Variants in CTNNA2 observed in about 807,000 individuals in gnomAD.
The protein encoded by CTNNA2 is catenin alpha-2.
A neutral mutation model predicts 101.0 loss-of-function variants in CTNNA2; 42 were observed. The observed-to-expected ratio is 0.42, with a 90% confidence interval of 0.32 to 0.54. The LOEUF (loss-of-function observed/expected upper bound fraction) is 0.54, where lower values mean the gene tolerates loss of function less well. CTNNA2 is among the 20% of genes least tolerant of loss of function. CTNNA2 has a pLI of 0.14. For synonymous variants in CTNNA2, 450 were observed against 456.4 expected (o/e 0.99, Z 0.18); for missense variants, 871 against 1,223.1 (o/e 0.71, Z 4.29).
chr2:79,644,568 G>A (rs1680673864), intron 1 of CTNNA2, among the ~76,000 whole-genome samples: 1 of 152,094 alleles, frequency 6.6e-6, no homozygotes, highest in African/African-American at 2.4e-5. Flanking sequence ...TCTTGACTTT[G>A]CCAGGCCCCT....
At position 80,525,050 on chromosome 2, in the gene CTNNA2, CT is replaced by C. The variant is rs59620468; in HGVS notation, c.1291-19922del. 9.1e-3 allele frequency among the ~76,000 whole-genome samples: 1,356 copies of C among 148,402 alleles called. 17 individuals are homozygous for C. Among genetic ancestry groups the C allele is most frequent in the African/African-American group, 0.031 (1,272 of 40,624 alleles). On this transcript the variant is annotated intron_variant, in intron 9 of 18. Transcript: ENST00000402739. ...TGCACCCATCACTGAGCAGTATACA[CT>C]TTTTTTTTTGTATGACTTCCAGAAG...
chr2:79,339,105 A>C (rs2104426419), intron 3 of CTNNA2, among the ~76,000 whole-genome samples: 1 of 150,742 alleles, frequency 6.6e-6, no homozygotes, highest in East Asian at 2.0e-4. Flanking sequence ...AGCCACAGGT[A>C]TTAGTGAGTT....
intron 7 of CTNNA2, among the ~76,000 whole-genome samples, chr2:80,354,145 C>T (rs1673562956): frequency 6.6e-6 from 1 of 152,140 alleles, no homozygotes; most frequent in South Asian, 2.1e-4. Flanking sequence ...CCTTGCACTT[C>T]TTCGGTTGTG....
chr2:79,977,222 G>GCACGCACA (rs1553419410), intron 7 of CTNNA2, among the ~76,000 whole-genome samples: 2 of 144,836 alleles, frequency 1.4e-5, no homozygotes, highest in South Asian at 4.5e-4. Context: ...GCATATGCAT[G>GCACGCACA]CACACACACA....
chr2:80,631,068 T>C (rs1210219735), intron 18 of CTNNA2, among the ~76,000 whole-genome samples: 1 of 152,240 alleles, frequency 6.6e-6, no homozygotes, highest in Non-Finnish European at 1.5e-5. Flanking sequence ...AAAGGAATAA[T>C]GATGCAACCT....
intron 18 of CTNNA2, among the ~76,000 whole-genome samples, chr2:80,633,795 G>T (rs547383544): frequency 3.3e-5 from 5 of 152,314 alleles, no homozygotes; most frequent in Admixed American, 2.0e-4. Flanking sequence ...ATAATTCTGT[G>T]CCTCTTAGAT....
At chr2:79,792,485 A>C (rs536063935) in intron 3 of CTNNA2, among the ~76,000 whole-genome samples, 14 of 152,138 alleles carry the variant, frequency 9.2e-5, no homozygotes, top group Non-Finnish European at 1.8e-4. Flanking sequence ...AATGTCTTAG[A>C]TCCTGTGACA....
chr2:79,931,914 A>G (rs1446575214), intron 7 of CTNNA2, among the ~76,000 whole-genome samples: 2 of 152,190 alleles, frequency 1.3e-5, no homozygotes, highest in African/African-American at 2.4e-5. Flanking sequence ...CTCCTTACCC[A>G]GTCTTACTGC....
Position 80,597,273 on chromosome 2 carries a change from C to A in CTNNA2, c.2190-6801C>A, listed in dbSNP as rs1273152626. Among the ~76,000 whole-genome samples the A allele has an allele frequency of 2.0e-5, 3 of 152,130 alleles. 1 individual carries two copies. The highest frequency in any genetic ancestry group is 7.2e-5 in the African/African-American group (3 of 41,420). On this transcript the variant is annotated intron_variant, in intron 15 of 18. Transcript: ENST00000402739. Reference sequence around the variant, plus strand: ...GCTAGCCATATGCAGAAAACTGAAACTGGACCCCTTCCTTACACCTTATAC... The same window carrying A: ...GCTAGCCATATGCAGAAAACTGAAAATGGACCCCTTCCTTACACCTTATAC...
intron 15 of CTNNA2, among the ~76,000 whole-genome samples, chr2:80,602,912 G>T (rs1010481515): frequency 6.6e-6 from 1 of 152,026 alleles, no homozygotes; most frequent in Admixed American, 6.6e-5. Context: ...ATCCAAGAAG[G>T]TGAGTTAGTA....
intron 7 of CTNNA2, among the ~76,000 whole-genome samples, chr2:80,055,113 C>T (rs901208774): frequency 6.6e-5 from 10 of 152,088 alleles, no homozygotes; most frequent in Admixed American, 5.2e-4. Flanking sequence ...ACTGCAACCT[C>T]GAACTCTGGA....
chr2:80,036,323 G>C (rs1334480341), intron 7 of CTNNA2, among the ~76,000 whole-genome samples: 1 of 152,226 alleles, frequency 6.6e-6, no homozygotes, highest in Non-Finnish European at 1.5e-5. Context: ...GACAGGTGCA[G>C]TTGCTCACAC....
At chr2:79,800,715 G>A (rs1478485257) in intron 3 of CTNNA2, among the ~76,000 whole-genome samples, 2 of 152,150 alleles carry the variant, frequency 1.3e-5, no homozygotes, top group Non-Finnish European at 1.5e-5. Context: ...ATTTAGGCAG[G>A]AGCAGAAGAG....
At chr2:79,807,943 T>C (rs184797313) in intron 3 of CTNNA2, among the ~76,000 whole-genome samples, 28 of 152,272 alleles carry the variant, frequency 1.8e-4, no homozygotes, top group Non-Finnish European at 2.4e-4. Context: ...ACTTCCAAAA[T>C]AGGATCACTT....
At chr2:79,965,491 G>A (rs964777422) in intron 7 of CTNNA2, among the ~76,000 whole-genome samples, 1 of 151,902 alleles carries the variant, frequency 6.6e-6, no homozygotes, top group Non-Finnish European at 1.5e-5. Flanking sequence ...TCACACTATT[G>A]GAAGAATCAA....
chr2:79,855,191 T>C (rs1681029597), intron 3 of CTNNA2, among the ~76,000 whole-genome samples: 1 of 152,162 alleles, frequency 6.6e-6, no homozygotes, highest in Admixed American at 6.5e-5. Flanking sequence ...TGTGGGTCTC[T>C]CTCTCTCTCT....
intron 7 of CTNNA2, among the ~76,000 whole-genome samples, chr2:80,232,272 T>G (rs2149076033): frequency 6.6e-6 from 1 of 150,798 alleles, no homozygotes; most frequent in Admixed American, 6.6e-5. Flanking sequence ...GTCATCGTCC[T>G]CATATTTGAC....
At chr2:79,680,776 T>C (rs981895457) in intron 2 of CTNNA2, among the ~76,000 whole-genome samples, 12 of 152,218 alleles carry the variant, frequency 7.9e-5, no homozygotes, top group Admixed American at 1.3e-4. Flanking sequence ...GAAGTATTAC[T>C]GCTGCTCCTG....
intron 4 of CTNNA2, among the ~76,000 whole-genome samples, chr2:79,867,418 C>T (rs1323170457): frequency 6.6e-6 from 1 of 151,872 alleles, no homozygotes; most frequent in Admixed American, 6.6e-5. Flanking sequence ...CATCCATCTC[C>T]ATCTCTCATC....
Sources: allele counts gnomAD v4.1 joint callset (sites outside exome capture counted in the v4.1 genomes callset), GRCh38; gene constraint gnomAD v4.1.1; transcripts MANE v1.5; gene names NCBI Gene and HGNC (gene_info 2026-07-23, HGNC 2026-07-21).